The following WDR70 variants were observed in gnomAD, a reference collection of about 807,000 sequenced individuals.
The protein encoded by WDR70 is WD repeat-containing protein 70.
Under a neutral mutation model 88.6 loss-of-function variants are expected in WDR70, and 53 were observed. The observed-to-expected ratio is 0.60, with a 90% confidence interval of 0.48 to 0.75. WDR70 has a LOEUF of 0.75. Ranked by LOEUF, WDR70 falls within the 30% of genes least tolerant of loss-of-function variation. The pLI, the probability that WDR70 is intolerant of heterozygous loss-of-function variation, is 0.00. For synonymous variants in WDR70, 280 were observed against 270.0 expected (o/e 1.04, Z -0.36); for missense variants, 610 against 823.2 (o/e 0.74, Z 3.17).
rs555208526 is a variant in WDR70, at chr5:37,467,971, C to T, written c.687-11863C>T. ...CCTCGTGATCTGCCCGCCTCGGCCT[C>T]CCAAAGTGCTGGGATTACAGGAGTG... On this transcript the variant is annotated intron_variant, in intron 7 of 17. Coordinates refer to ENST00000265107, the MANE Select transcript of WDR70 (RefSeq NM_018034.4). 1.2e-4 allele frequency among the ~76,000 whole-genome samples: 18 copies of T among 152,254 alleles called. No individual in the cohort carries two copies. In the East Asian group the frequency reaches 3.3e-3, roughly 28 times the overall value.
chr5:37,749,563 GA>G (rs143036728), intron 17 of WDR70, among the ~76,000 whole-genome samples: 44 of 150,832 alleles, frequency 2.9e-4, no homozygotes, highest in African/African-American at 9.5e-4. Flanking sequence ...TTTTTAAGAA[GA>G]AAAAAAATAT....
At chr5:37,725,588 T>C (rs1397189832) in intron 16 of WDR70, among the ~76,000 whole-genome samples, 1 of 152,160 alleles carries the variant, frequency 6.6e-6, no homozygotes, top group African/African-American at 2.4e-5. Context: ...TGACTAGAAT[T>C]TCATTTTCTG....
intron 9 of WDR70, among the ~76,000 whole-genome samples, chr5:37,586,850 A>T (rs1330066879): frequency 6.6e-6 from 1 of 152,008 alleles, no homozygotes; most frequent in East Asian, 1.9e-4. Context: ...TCCTAATTGT[A>T]TTTCTTTCAT....
chr5:37,559,966 G>A (rs1742450607), intron 9 of WDR70, among the ~76,000 whole-genome samples: 2 of 150,814 alleles, frequency 1.3e-5, no homozygotes, highest in African/African-American at 2.4e-5. Flanking sequence ...TTAGTTTCTT[G>A]TTTTGACTCA....
intron 10 of WDR70, among the ~76,000 whole-genome samples, chr5:37,655,575 G>C (rs982698161): frequency 6.6e-6 from 1 of 152,026 alleles, no homozygotes; most frequent in Non-Finnish European, 1.5e-5. Flanking sequence ...AGGTACACCC[G>C]TCAAACGCAG....
At chr5:37,705,200 C>G (rs1223400353) in intron 13 of WDR70, among the ~76,000 whole-genome samples, 1 of 152,070 alleles carries the variant, frequency 6.6e-6, no homozygotes, top group Non-Finnish European at 1.5e-5. Flanking sequence ...AAAGAAGAGA[C>G]AGTTTTGGTA....
At chr5:37,494,911 C>T (rs1430346068) in intron 8 of WDR70, among the ~76,000 whole-genome samples, 2 of 152,190 alleles carry the variant, frequency 1.3e-5, no homozygotes. Flanking sequence ...GGTTGGCAAA[C>T]CATGGCCTTG....
intron 7 of WDR70, among the ~76,000 whole-genome samples, chr5:37,462,757 T>C (rs1739046299): frequency 6.6e-6 from 1 of 152,008 alleles, no homozygotes. Context: ...AATAAAGTAG[T>C]AATAATAATA....
At chr5:37,429,021 G>T (rs1750223510) in intron 5 of WDR70, among the ~76,000 whole-genome samples, 1 of 152,170 alleles carries the variant, frequency 6.6e-6, no homozygotes, top group Non-Finnish European at 1.5e-5. Flanking sequence ...CTTTTCTTGT[G>T]ATGAGGTGTC....
chr5:37,381,898 A>G, intron 3 of WDR70: 1 of 378,068 alleles, frequency 2.6e-6, no homozygotes, highest in South Asian at 2.2e-5. Flanking sequence ...AACTAAAAAT[A>G]CAATAATTAG....
intron 9 of WDR70, among the ~76,000 whole-genome samples, chr5:37,519,367 TCCTCACTTCCCAGATG>T (rs1741002534): frequency 7.3e-6 from 1 of 136,176 alleles, no homozygotes; most frequent in African/African-American, 2.8e-5. Flanking sequence ...GCAGAGACGC[TCCTCACTTCCCAGATG>T]GGGCAGCCGG....
chr5:37,496,935 G>T (rs1305970338), intron 8 of WDR70, among the ~76,000 whole-genome samples: 2 of 152,206 alleles, frequency 1.3e-5, no homozygotes, highest in African/African-American at 4.8e-5. Context: ...GACTGAGAGT[G>T]TGGTGTAGTG....
At chr5:37,724,074 TC>T (rs1405699778) in intron 15 of WDR70, 1 of 152,032 alleles carries the variant, frequency 6.6e-6, no homozygotes, top group African/African-American at 2.4e-5. Flanking sequence ...CTTCCCCTGG[TC>T]CCCCGGGAAA....
At chr5:37,638,478 C>T (rs1199429774) in intron 10 of WDR70, among the ~76,000 whole-genome samples, 4 of 152,190 alleles carry the variant, frequency 2.6e-5, no homozygotes, top group Non-Finnish European at 2.9e-5. Flanking sequence ...CATACATGCA[C>T]GCACATGCGC....
chr5:37,670,260 C>A (rs1014278652), intron 10 of WDR70, among the ~76,000 whole-genome samples: 2 of 152,168 alleles, frequency 1.3e-5, no homozygotes, highest in Middle Eastern at 3.4e-3. Flanking sequence ...GACTACTGCA[C>A]GATGCTAAGA....
intron 10 of WDR70, among the ~76,000 whole-genome samples, chr5:37,626,738 G>A (rs1374688228): frequency 3.3e-5 from 5 of 152,082 alleles, no homozygotes; most frequent in African/African-American, 4.8e-5. Flanking sequence ...CAGTAAAGCC[G>A]TCTGGTTTTG....
intron 7 of WDR70, among the ~76,000 whole-genome samples, chr5:37,447,901 C>T (rs4869509): frequency 0.16 from 24,343 of 151,922 alleles, 2,098 homozygotes; most frequent in South Asian, 0.27. Context: ...CAAACCTGCA[C>T]GTTGTGCACA....
chr5:37,408,347 G>A (rs983126112), intron 5 of WDR70, among the ~76,000 whole-genome samples: 4 of 152,112 alleles, frequency 2.6e-5, no homozygotes, highest in African/African-American at 9.6e-5. Context: ...CATGGCACAC[G>A]CCTGTAATCC....
Position 37,443,208 on chromosome 5 carries a change from C to T in WDR70, c.553-31C>T, listed in dbSNP as rs182909357. ...TAATTGACCATATGTCATTTTGCTC[C>T]GGTCATTTTATTTTATTTTTTTAAA... On this transcript the variant is annotated intron_variant, in intron 6 of 17. Coordinates refer to ENST00000265107, the MANE Select transcript of WDR70 (RefSeq NM_018034.4). 9.6e-4 allele frequency: 1,503 copies of T among 1,560,056 alleles called. 6 individuals are homozygous for T. Among genetic ancestry groups the T allele is most frequent in the Admixed American group, 3.3e-3 (171 of 51,596 alleles).
Sources: gnomAD v4.1 joint callset for allele counts (sites outside exome capture counted in the v4.1 genomes callset) on GRCh38, gnomAD v4.1.1 for gene constraint, MANE v1.5 for transcripts, NCBI Gene and HGNC (gene_info 2026-07-23, HGNC 2026-07-21) for gene names.